The following ABTB3 variants were observed in gnomAD, a reference collection of about 807,000 sequenced individuals.
ABTB3 encodes the protein ankyrin repeat and BTB domain containing 3.
chr12:107,533,067 GA>G, the ABTB3 span, among the ~76,000 whole-genome samples: 3 of 151,076 alleles, frequency 2.0e-5, no homozygotes, highest in African/African-American at 4.9e-5. Flanking sequence ...TATCTACCCT[GA>G]AAAAAAACAC....
the ABTB3 span, among the ~76,000 whole-genome samples, chr12:107,566,910 C>G: frequency 4.6e-5 from 7 of 152,092 alleles, no homozygotes; most frequent in African/African-American, 1.2e-4. Flanking sequence ...CCCAGGAGTT[C>G]GAGACCAGCC....
chr12:107,374,155 G>A, the ABTB3 span, among the ~76,000 whole-genome samples: 5 of 152,324 alleles, frequency 3.3e-5, no homozygotes, highest in South Asian at 1.0e-3. Context: ...TCGGTGCCCT[G>A]TACCCTCCTG....
chr12:107,457,404 G>A, the ABTB3 span, among the ~76,000 whole-genome samples: 140 of 152,328 alleles, frequency 9.2e-4, no homozygotes, highest in African/African-American at 3.2e-3. Flanking sequence ...GATAGACTCC[G>A]AAGTTTTATT....
At chr12:107,454,250 A>G in the ABTB3 span, among the ~76,000 whole-genome samples, 7 of 152,252 alleles carry the variant, frequency 4.6e-5, no homozygotes, top group East Asian at 1.3e-3. Context: ...GGCCCCAAGC[A>G]GGGCAGTGTC....
chr12:107,369,974 C>A, the ABTB3 span, among the ~76,000 whole-genome samples: 1 of 152,118 alleles, frequency 6.6e-6, no homozygotes, highest in Non-Finnish European at 1.5e-5. Flanking sequence ...ACTCCCTCAA[C>A]CTCTCTGAGC....
chr12:107,648,600 C>T, the ABTB3 span, among the ~76,000 whole-genome samples: 1 of 152,162 alleles, frequency 6.6e-6, no homozygotes, highest in African/African-American at 2.4e-5. Flanking sequence ...GAATAAAGAA[C>T]ATCCCGACTA....
the ABTB3 span, among the ~76,000 whole-genome samples, chr12:107,603,676 G>C: frequency 2.0e-5 from 3 of 152,188 alleles, no homozygotes; most frequent in African/African-American, 7.2e-5. Context: ...CAAAAGTATA[G>C]GCAACAAAAG....
At chr12:107,601,335 T>A in the ABTB3 span, among the ~76,000 whole-genome samples, 1 of 152,222 alleles carries the variant, frequency 6.6e-6, no homozygotes, top group South Asian at 2.1e-4. Flanking sequence ...GTTTCCTTGC[T>A]GGTAGAATTG....
chr12:107,644,972 C>CTTTTTTTT, the ABTB3 span, among the ~76,000 whole-genome samples: 164 of 127,142 alleles, frequency 1.3e-3, 3 homozygotes, highest in South Asian at 8.6e-3. Context: ...TCAAAATTCA[C>CTTTTTTTT]TTTTTTTTTT....
chr12:107,553,762 A>G, the ABTB3 span, among the ~76,000 whole-genome samples: 1 of 152,216 alleles, frequency 6.6e-6, no homozygotes, highest in Non-Finnish European at 1.5e-5. Context: ...AACATGGCAA[A>G]ACCCCATCTC....
chr12:107,380,279 T>C, the ABTB3 span, among the ~76,000 whole-genome samples: 1 of 152,238 alleles, frequency 6.6e-6, no homozygotes, highest in Non-Finnish European at 1.5e-5. Flanking sequence ...TTCATTACTC[T>C]CCTGAATCTC....
At chr12:107,324,456 T>A in the ABTB3 span, among the ~76,000 whole-genome samples, 1 of 152,096 alleles carries the variant, frequency 6.6e-6, no homozygotes, top group Non-Finnish European at 1.5e-5. Context: ...TAGTAAGATC[T>A]CAGCTCTACA....
At chr12:107,448,720 A>G in the ABTB3 span, among the ~76,000 whole-genome samples, 1 of 151,476 alleles carries the variant, frequency 6.6e-6, no homozygotes, top group Non-Finnish European at 1.5e-5. Context: ...GGCTCACTGC[A>G]AACTCCACCA....
At chr12:107,397,433 A>G in the ABTB3 span, among the ~76,000 whole-genome samples, 7 of 151,978 alleles carry the variant, frequency 4.6e-5, no homozygotes, top group African/African-American at 1.7e-4. Flanking sequence ...ACCTGTTCAA[A>G]TTCTTTACCT....
chr12:107,389,796 G>T, the ABTB3 span, among the ~76,000 whole-genome samples: 1 of 151,246 alleles, frequency 6.6e-6, no homozygotes, highest in African/African-American at 2.4e-5. Flanking sequence ...CTTGGTGGAA[G>T]ATGGTTGCAA....
At chr12:107,623,881 G>C in the ABTB3 span, among the ~76,000 whole-genome samples, 1 of 152,306 alleles carries the variant, frequency 6.6e-6, no homozygotes, top group South Asian at 2.1e-4. Flanking sequence ...TATGGTCTCT[G>C]GGGGTGGGGC....
the ABTB3 span, among the ~76,000 whole-genome samples, chr12:107,534,903 A>G: frequency 6.6e-6 from 1 of 152,226 alleles, no homozygotes; most frequent in African/African-American, 2.4e-5. Context: ...ACTATTCCAA[A>G]AAAACTTGAA....
At chr12:107,458,523 G>A in the ABTB3 span, among the ~76,000 whole-genome samples, 23 of 152,180 alleles carry the variant, frequency 1.5e-4, no homozygotes, top group African/African-American at 5.1e-4. Flanking sequence ...TTGGCATGGT[G>A]GGGCCAATGG....
At chr12:107,440,867 G>C in the ABTB3 span, among the ~76,000 whole-genome samples, 1 of 152,212 alleles carries the variant, frequency 6.6e-6, no homozygotes, top group African/African-American at 2.4e-5. Flanking sequence ...CCAAGGGCAT[G>C]AAATATATAA....
Sources: gnomAD v4.1 joint callset for allele counts (sites outside exome capture counted in the v4.1 genomes callset) on GRCh38, gnomAD v4.1.1 for gene constraint, MANE v1.5 for transcripts, NCBI Gene and HGNC (gene_info 2026-07-23, HGNC 2026-07-21) for gene names.